ZNF644: variants seen among roughly 807,000 people sequenced by gnomAD.
ZNF644 encodes zinc finger protein 644, also known as zinc finger motif enhancer binding protein 2.
ZNF644 carries 20 observed loss-of-function variants against 108.0 expected under a neutral mutation model. The ratio of observed to expected loss-of-function variants is 0.19; its 90% CI spans 0.13 to 0.27. The LOEUF is 0.27. Ranked by LOEUF, ZNF644 falls within the 10% of genes least tolerant of loss-of-function variation. The probability of loss-of-function intolerance (pLI) is 1.00; values close to 1 mark genes in which losing one functional copy is unlikely to be tolerated. For synonymous variants in ZNF644, 542 were observed against 539.1 expected (o/e 1.01, Z -0.08); for missense variants, 1,338 against 1,548.9 (o/e 0.86, Z 2.29).
intron 4 of ZNF644, among the ~76,000 whole-genome samples, chr1:90,931,481 G>C (rs1213034109): frequency 6.6e-6 from 1 of 151,766 alleles, no homozygotes; most frequent in Non-Finnish European, 1.5e-5. Context: ...TAAACCCTTT[G>C]ATTCTAGTCT....
chr1:90,954,118 T>C (rs1178147084), intron 2 of ZNF644, among the ~76,000 whole-genome samples: 2 of 152,152 alleles, frequency 1.3e-5, no homozygotes, highest in African/African-American at 2.4e-5. Flanking sequence ...GTTTGACACA[T>C]TGATTGACTC....
At chr1:91,009,677 C>T (rs1350898482) in intron 1 of ZNF644, among the ~76,000 whole-genome samples, 7 of 152,096 alleles carry the variant, frequency 4.6e-5, no homozygotes, top group South Asian at 2.1e-4. Context: ...AGTACAAGCT[C>T]TTCTTACCAG....
chr1:91,003,432 C>CA (rs1229641604), intron 1 of ZNF644, among the ~76,000 whole-genome samples: 1 of 151,232 alleles, frequency 6.6e-6, no homozygotes, highest in East Asian at 1.9e-4. Flanking sequence ...ATTGCAAGGA[C>CA]AAAAAACCAA....
In ZNF644 at chr1:90,940,613, A is replaced by G; in HGVS notation, c.741T>C (p.Gly247=). The G allele has an allele frequency of 3.1e-6, 5 of 1,613,882 alleles. No individual in the cohort carries two copies. Among genetic ancestry groups the G allele is most frequent in the Non-Finnish European group, 4.2e-6 (5 of 1,179,962 alleles). The change falls in exon 3 of 6, where the codon GGT becomes GGC. Residue 247 remains glycine (G), a synonymous_variant. Coordinates refer to ENST00000337393, the MANE Select transcript of ZNF644 (RefSeq NM_201269.3). Reference sequence around the variant, plus strand: ...CATTTTCTGACCTAAATCCATCTGTACCTGAGGAAATTCCCGTTACTGTAT... The same window carrying G: ...CATTTTCTGACCTAAATCCATCTGTGCCTGAGGAAATTCCCGTTACTGTAT... ...CVNTVTGISS[G]TDGFRSENDT...
intron 2 of ZNF644, among the ~76,000 whole-genome samples, chr1:90,954,456 G>C (rs1052717765): frequency 6.6e-6 from 1 of 151,820 alleles, no homozygotes; most frequent in African/African-American, 2.4e-5. Flanking sequence ...GCCCAGGATG[G>C]AGTGCAGTAT....
At chr1:90,955,087 A>C (rs1653614592) in intron 2 of ZNF644, among the ~76,000 whole-genome samples, 1 of 152,224 alleles carries the variant, frequency 6.6e-6, no homozygotes, top group African/African-American at 2.4e-5. Flanking sequence ...GTACATCTCC[A>C]TCAGAGATCT....
intron 1 of ZNF644, among the ~76,000 whole-genome samples, chr1:91,012,115 A>T (rs1330913307): frequency 1.3e-5 from 2 of 152,168 alleles, no homozygotes; most frequent in Non-Finnish European, 2.9e-5. Context: ...CTGGGGGGAA[A>T]AAAGGGCCAT....
At chr1:90,965,604 A>G (rs1420786657) in intron 2 of ZNF644, among the ~76,000 whole-genome samples, 1 of 152,206 alleles carries the variant, frequency 6.6e-6, no homozygotes, top group Admixed American at 6.5e-5. Context: ...AGGAGGACAA[A>G]AAATAGTTCC....
chr1:90,990,246 C>A (rs1261200605), intron 1 of ZNF644, among the ~76,000 whole-genome samples: 1 of 152,154 alleles, frequency 6.6e-6, no homozygotes, highest in Non-Finnish European at 1.5e-5. Flanking sequence ...AATGTAAATA[C>A]ACTTAACACT....
In ZNF644 at chr1:90,926,089, C is replaced by G. The variant is rs550375178; in HGVS notation, c.3689-7935G>C. On this transcript the variant is annotated intron_variant, in intron 4 of 5. Coordinates refer to ENST00000337393, the MANE Select transcript of ZNF644 (RefSeq NM_201269.3). ...CTCCCCACTGATATCAACCAATTGC[C>G]TAACTCAGAAGCCAGACTCCACTCT... 3.3e-5 allele frequency among the ~76,000 whole-genome samples: 5 copies of G among 152,264 alleles called. No individual in the cohort carries two copies. In the South Asian group the frequency reaches 1.0e-3, roughly 32 times the overall value.
chr1:90,966,303 A>G (rs997049622), intron 2 of ZNF644, among the ~76,000 whole-genome samples: 1 of 152,130 alleles, frequency 6.6e-6, no homozygotes, highest in Non-Finnish European at 1.5e-5. Flanking sequence ...AACACCTGAT[A>G]CATTATTATT....
chr1:90,940,468 C>G lies in ZNF644; in HGVS notation c.886G>C (p.Asp296His). Reference protein sequence around the residue: ...GLEKKRKRKMDVSKITRYTED... With the variant: ...GLEKKRKRKMHVSKITRYTED... ...GTATAACGAGTTATCTTGCTTACATCCATTTTTCGCTTTCTTTTTTTTTCT... is the reference window on the plus strand; with the variant it reads ...GTATAACGAGTTATCTTGCTTACATGCATTTTTCGCTTTCTTTTTTTTTCT... The change falls in exon 3 of 6, where the codon GAT (aspartate) becomes CAT (histidine). Residue 296 changes from aspartate to histidine, a missense_variant. Around this residue, in one of 6 missense-constraint regions of ZNF644, gnomAD observed 464 missense variants for 457.9 expected, o/e 1.01. Coordinates refer to ENST00000337393, the MANE Select transcript of ZNF644 (RefSeq NM_201269.3). 1 of 1,613,612 alleles carries G rather than the reference C, an allele frequency of 6.2e-7. No individual in the cohort carries two copies. Among genetic ancestry groups the G allele is most frequent in the Non-Finnish European group, 8.5e-7 (1 of 1,179,900 alleles).
At position 90,953,491 on chromosome 1, in the gene ZNF644, A is replaced by G. The variant is rs557821245; in HGVS notation, c.45-12182T>C. ...AAACCACCGTGGCACACATTTACCT[A>G]TGTAACCAACCTACACATCCTGCAC... On this transcript the variant is annotated intron_variant, in intron 2 of 5. Coordinates refer to ENST00000337393, the MANE Select transcript of ZNF644 (RefSeq NM_201269.3). Among the ~76,000 whole-genome samples the G allele has an allele frequency of 9.9e-5, 15 of 152,186 alleles. No homozygotes were observed. In the East Asian group the frequency reaches 2.9e-3, roughly 29 times the overall value.
intron 1 of ZNF644, among the ~76,000 whole-genome samples, chr1:91,001,344 A>T (rs1658769130): frequency 6.6e-6 from 1 of 152,126 alleles, no homozygotes; most frequent in African/African-American, 2.4e-5. Context: ...ACCATGATCA[A>T]GTGGGCTTCA....
chr1:90,992,949 C>T (rs1177926280), intron 1 of ZNF644, among the ~76,000 whole-genome samples: 1 of 152,122 alleles, frequency 6.6e-6, no homozygotes, highest in Non-Finnish European at 1.5e-5. Flanking sequence ...GAGGCCAAGG[C>T]AGGAGGATTG....
intron 2 of ZNF644, among the ~76,000 whole-genome samples, chr1:90,969,454 C>T (rs1320568770): frequency 6.6e-6 from 1 of 152,196 alleles, no homozygotes; most frequent in Admixed American, 6.5e-5. Flanking sequence ...TTTCAATTAC[C>T]TAGTCAACTA....
At chr1:91,018,994 T>A in intron 1 of ZNF644, among the ~76,000 whole-genome samples, 1 of 152,224 alleles carries the variant, frequency 6.6e-6, no homozygotes, top group East Asian at 1.9e-4. Context: ...TCCACTCACA[T>A]AATGTTGAAA....
At chr1:90,921,450 T>C (rs1649431476) in intron 4 of ZNF644, among the ~76,000 whole-genome samples, 2 of 152,062 alleles carry the variant, frequency 1.3e-5, no homozygotes, top group African/African-American at 2.4e-5. Context: ...CACTCTTTTC[T>C]CTTTACAAAG....
chr1:90,927,693 T>C (rs767413303), intron 4 of ZNF644, among the ~76,000 whole-genome samples: 4 of 152,138 alleles, frequency 2.6e-5, no homozygotes, highest in Non-Finnish European at 4.4e-5. Context: ...ACTATAGAAA[T>C]AAGTTATAGC....
Sources: gnomAD v4.1 joint callset for allele counts (sites outside exome capture counted in the v4.1 genomes callset) on GRCh38, gnomAD v4.1.1 for gene constraint, gnomAD v4.1.1 regional missense constraint, MANE v1.5 for transcripts, NCBI Gene and HGNC (gene_info 2026-07-23, HGNC 2026-07-21) for gene names.